Variants in SUMO3 observed in about 807,000 individuals in gnomAD.
SUMO3 encodes small ubiquitin-related modifier 3.
SUMO3 carries 2 observed loss-of-function variants against 11.1 expected under a neutral mutation model. The observed-to-expected ratio is 0.18, with a 90% CI of 0.07 to 0.57. The LOEUF is 0.57. SUMO3 is among the 20% of genes least tolerant of loss of function. The pLI is 0.92. For missense variants in SUMO3, 70 were observed against 132.8 expected (o/e 0.53, Z 2.32); for synonymous variants, 56 against 53.5 (o/e 1.05, Z -0.20).
rs2146418315 is a variant in SUMO3 at position 44,806,825 on chromosome 21, AAG to A, written c.*124_*125del. 6.7e-7 allele frequency: 1 copy of A among 1,483,486 alleles called. No individual in the cohort carries two copies. Among genetic ancestry groups the A allele is most frequent in the African/African-American group, 1.4e-5 (1 of 71,332 alleles). 91.9% of individuals were successfully genotyped at this position (1,483,486 alleles called of 1,614,324 possible). A position where few individuals can be genotyped will look rare whatever the true frequency, so the allele number is the denominator to read the frequency against. On this transcript the variant is annotated 3_prime_UTR_variant, in exon 4 of 4. Coordinates refer to ENST00000332859, the MANE Select transcript of SUMO3 (RefSeq NM_006936.3). Reference sequence around the variant, plus strand: ...TTTGAGTTGCACTTGAAGTACATCAAAGAGAGGAAAATCATCGTGGTGAATGT... The same window carrying A: ...TTTGAGTTGCACTTGAAGTACATCAAAGAGGAAAATCATCGTGGTGAATGT...
chr21:44,818,022 G>T lies in SUMO3; in HGVS notation c.-54C>A. Reference sequence around the variant, plus strand: ...GCGGGGGAAGCAGCGCGGAGCGGGCGAGTCACGCTCTCGGCCCCGCCGCTC... The same window carrying T: ...GCGGGGGAAGCAGCGCGGAGCGGGCTAGTCACGCTCTCGGCCCCGCCGCTC... On this transcript the variant is annotated 5_prime_UTR_variant, in exon 1 of 4. Coordinates refer to ENST00000332859, the MANE Select transcript of SUMO3 (RefSeq NM_006936.3). 2 of 1,167,228 alleles carry T rather than the reference G, an allele frequency of 1.7e-6. No homozygotes were observed. Among genetic ancestry groups the T allele is most frequent in the Non-Finnish European group, 2.1e-6 (2 of 944,590 alleles). 72.3% of individuals were successfully genotyped at this position (1,167,228 alleles called of 1,614,324 possible).
Position 44,806,862 on chromosome 21 carries a change from T to C in SUMO3, c.*89A>G. The C allele has an allele frequency of 6.4e-7, 1 of 1,559,254 alleles. No individual in the cohort carries two copies. Among genetic ancestry groups the C allele is most frequent in the Non-Finnish European group, 8.7e-7 (1 of 1,146,976 alleles). On this transcript the variant is annotated 3_prime_UTR_variant, in exon 4 of 4. Coordinates refer to ENST00000332859, the MANE Select transcript of SUMO3 (RefSeq NM_006936.3). ...TCATCGTGGTGAATGTCCTCGAGTT[T>C]CCGCAGACACCTTTGTGGTCGGCAT...
At chr21:44,816,177 C>G (rs1056453372) in intron 1 of SUMO3, among the ~76,000 whole-genome samples, 3 of 152,192 alleles carry the variant, frequency 2.0e-5, no homozygotes, top group Non-Finnish European at 4.4e-5. Context: ...GTAAATACTG[C>G]TGAGAAAATT....
chr21:44,817,342 GCGATGGCCGGGACA>G (rs1355386178), intron 1 of SUMO3, among the ~76,000 whole-genome samples: 3 of 151,942 alleles, frequency 2.0e-5, no homozygotes, highest in African/African-American at 4.8e-5. Context: ...ACTGGGGGAC[GCGATGGCCGGGACA>G]CGATGCGGAG....
In SUMO3 at chr21:44,807,632, C is replaced by G. The variant is rs577859215; in HGVS notation, c.223-592G>C. 1.3e-5 allele frequency among the ~76,000 whole-genome samples: 2 copies of G among 152,318 alleles called. No homozygotes were observed. The highest frequency in any genetic ancestry group is 4.8e-5 in the African/African-American group (2 of 41,568). On this transcript the variant is annotated intron_variant, in intron 3 of 3. Transcript: ENST00000332859. The surrounding 1 kb of genome is among the most constrained non-coding windows in gnomAD (Gnocchi z 4.3). ...ACACCCACCCTGATCTTCTTCCATCCTCTAAGCAAGAGGAAGCTTCTGCCA... is the reference window on the plus strand; with the variant it reads ...ACACCCACCCTGATCTTCTTCCATCGTCTAAGCAAGAGGAAGCTTCTGCCA...
At chr21:44,815,142 G>A (rs929841732) in intron 1 of SUMO3, among the ~76,000 whole-genome samples, 1 of 152,234 alleles carries the variant, frequency 6.6e-6, no homozygotes, top group Non-Finnish European at 1.5e-5. Flanking sequence ...TCACACGCCT[G>A]TTCTCTCCAC....
chr21:44,808,576 G>T (rs1030539124), intron 3 of SUMO3: 2 of 1,380,892 alleles, frequency 1.4e-6, no homozygotes, highest in African/African-American at 1.5e-5. Flanking sequence ...GCCCTGCAAC[G>T]TGATAGATGA....
At chr21:44,815,401 G>A (rs1395193043) in intron 1 of SUMO3, among the ~76,000 whole-genome samples, 2 of 152,242 alleles carry the variant, frequency 1.3e-5, no homozygotes, top group South Asian at 2.1e-4. Context: ...GTCCTGGGGC[G>A]GCACTCACCC....
At position 44,807,232 on chromosome 21, in the gene SUMO3, C is replaced by T. The variant is rs1053275283; in HGVS notation, c.223-192G>A. ...AAGAGGCATTGCTGTATGCTCACTA[C>T]AGCCCTTACGGTTCAACAAGCTTCC... On this transcript the variant is annotated intron_variant, in intron 3 of 3. Coordinates refer to ENST00000332859, the MANE Select transcript of SUMO3 (RefSeq NM_006936.3). The surrounding 1 kb of genome is among the most constrained non-coding windows in gnomAD (Gnocchi z 4.3). Among the ~76,000 whole-genome samples the T allele has an allele frequency of 6.6e-6, 1 of 152,166 alleles. No homozygotes were observed. Among genetic ancestry groups the T allele is most frequent in the Admixed American group, 6.5e-5 (1 of 15,280 alleles).
rs559698914 is a variant in SUMO3 at position 44,808,230 on chromosome 21, C to T, written c.222+817G>A. 50 of 228,892 alleles carry T rather than the reference C, an allele frequency of 2.2e-4. 1 individual carries two copies. The South Asian group carries it at 5.8e-3, about 27-fold the overall frequency. 14.2% of individuals were successfully genotyped at this position (228,892 alleles called of 1,614,324 possible). A position where few individuals can be genotyped will look rare whatever the true frequency, so the allele number is the denominator to read the frequency against. On this transcript the variant is annotated intron_variant, in intron 3 of 3. Coordinates refer to ENST00000332859, the MANE Select transcript of SUMO3 (RefSeq NM_006936.3). ...CCAAGTTTAAAAAAAAACTCTGTTTCGGCCGGGCGCGTTGGCTCATGCCTT... is the reference window on the plus strand; with the variant it reads ...CCAAGTTTAAAAAAAAACTCTGTTTTGGCCGGGCGCGTTGGCTCATGCCTT...
At chr21:44,817,753 G>A (rs957906903) in intron 1 of SUMO3, among the ~76,000 whole-genome samples, 195 bp downstream of exon 1, 2 of 148,936 alleles carry the variant, frequency 1.3e-5, no homozygotes, top group Non-Finnish European at 3.0e-5. Context: ...GGCGGAGCTC[G>A]CGGCACAGCG....
At chr21:44,817,745 C>T (rs2083255827) in intron 1 of SUMO3, among the ~76,000 whole-genome samples, 1 of 129,444 alleles carries the variant, frequency 7.7e-6, no homozygotes, top group South Asian at 2.7e-4. Flanking sequence ...CCGGAGGGGG[C>T]GGAGCTCGCG....
chr21:44,809,164 G>A (rs1226840366), intron 2 of SUMO3, 46 bp from the exon 3 acceptor site: 1 of 1,588,886 alleles, frequency 6.3e-7, no homozygotes, highest in South Asian at 1.1e-5. Context: ...GCAAGCCCTG[G>A]AAAGGAAAAG....
chr21:44,815,982 G>C lies in SUMO3; in HGVS notation c.22-1878C>G, dbSNP rs535427702. On this transcript the variant is annotated intron_variant, in intron 1 of 3. Transcript: ENST00000332859. The stretch of plus-strand genomic sequence containing the variant: ...AAAAGCTCTTCTTTCCAGCACCACC[G>C]GGCCCCAGAGTCCACCTCTTCCCCT... Among the ~76,000 whole-genome samples the C allele has an allele frequency of 5.2e-3, 785 of 152,256 alleles. 6 individuals are homozygous for C. The highest frequency in any genetic ancestry group is 8.7e-3 in the Admixed American group (133 of 15,280).
At position 44,806,588 on chromosome 21, in the gene SUMO3, A is replaced by AG. The variant is rs1269317755; in HGVS notation, c.*362dup. 2.2e-5 allele frequency: 6 copies of AG among 277,276 alleles called. No individual in the cohort carries two copies. 17.2% of individuals were successfully genotyped at this position (277,276 alleles called of 1,614,324 possible). A position where few individuals can be genotyped will look rare whatever the true frequency, so the allele number is the denominator to read the frequency against. On this transcript the variant is annotated 3_prime_UTR_variant, in exon 4 of 4. Transcript: ENST00000332859. ...TATGTGACTGGAGTGAGCAGGGGAG[A>AG]GGCAACCAACTCAGGAGTCAGATCC...
chr21:44,808,514 C>CAAA, intron 3 of SUMO3: 1 of 1,311,018 alleles, frequency 7.6e-7, no homozygotes, highest in South Asian at 1.7e-5. Context: ...GACTCCGTCT[C>CAAA]AAAAAAAAAA....
intron 1 of SUMO3, among the ~76,000 whole-genome samples, chr21:44,815,016 G>A (rs1011017975): frequency 5.9e-5 from 9 of 152,226 alleles, no homozygotes; most frequent in African/African-American, 1.9e-4. Flanking sequence ...GGATAAAGTC[G>A]TTTGTGAGTG....
intron 2 of SUMO3, among the ~76,000 whole-genome samples, chr21:44,812,898 G>C (rs2083220855): frequency 6.6e-6 from 1 of 152,226 alleles, no homozygotes; most frequent in Admixed American, 6.5e-5. Flanking sequence ...CCCAGCATCA[G>C]GCAGAGGCTG....
In SUMO3 at chr21:44,807,831, C is replaced by G. The variant is rs980234115; in HGVS notation, c.223-791G>C. Reference sequence around the variant, plus strand: ...CACCTGTCCACAGCCAGCCCCCTGACCCCCAGTCAAGCCCCAGAGACTCCA... The same window carrying G: ...CACCTGTCCACAGCCAGCCCCCTGAGCCCCAGTCAAGCCCCAGAGACTCCA... On this transcript the variant is annotated intron_variant, in intron 3 of 3. Coordinates refer to ENST00000332859, the MANE Select transcript of SUMO3 (RefSeq NM_006936.3). This position sits in a 1 kb window ranked among gnomAD's most constrained non-coding sequence, Gnocchi z 4.3. Among the ~76,000 whole-genome samples, 1 of 152,190 alleles carries G rather than the reference C, an allele frequency of 6.6e-6. No homozygotes were observed. The highest frequency in any genetic ancestry group is 6.5e-5 in the Admixed American group (1 of 15,284).
Sources: gnomAD v4.1 joint callset for allele counts (sites outside exome capture counted in the v4.1 genomes callset) on GRCh38, gnomAD v4.1.1 for gene constraint, Gnocchi (gnomAD v3.1) non-coding constraint, MANE v1.5 for transcripts, NCBI Gene and HGNC (gene_info 2026-07-23, HGNC 2026-07-21) for gene names.